ITGA1: variants seen among roughly 807,000 people sequenced by gnomAD.
ITGA1 encodes the protein integrin alpha-1.
In ITGA1, 85 loss-of-function variants were observed where a neutral mutation model predicts 145.9. The ratio of observed to expected loss-of-function variants is 0.58; its 90% CI spans 0.49 to 0.70. ITGA1 has a LOEUF of 0.70. Ranked by LOEUF, ITGA1 falls within the 30% of genes least tolerant of loss-of-function variation. ITGA1 has a pLI of 0.00. For missense variants in ITGA1, 1,351 were observed against 1,418.7 expected (o/e 0.95, Z 0.77); for synonymous variants, 520 against 495.3 (o/e 1.05, Z -0.66).
In ITGA1 at chr5:52,920,382, T is replaced by C. The variant is rs1190529422; in HGVS notation, c.2206T>C (p.Phe736Leu). 6.2e-7 allele frequency: 1 copy of C among 1,612,218 alleles called. No homozygotes were observed. The highest frequency in any genetic ancestry group is 8.5e-7 in the Non-Finnish European group (1 of 1,179,206). ...TTCACTAAGACAAATATCACGAAGT[T>C]TTTTCTCTGGAACTCAAGAGAGAAA... ...LDSLRQISRS[F>L]FSGTQERKVQ... The change falls in exon 17 of 29, where the codon TTT becomes CTT. Residue 736 changes from phenylalanine to leucine, a missense_variant. Physicochemically the swap from Phe to Leu is conservative, Grantham distance 22 (BLOSUM62 0). Coordinates refer to ENST00000282588, the MANE Select transcript of ITGA1 (RefSeq NM_181501.2).
intron 14 of ITGA1, 148 bp downstream of exon 14, chr5:52,910,567 A>T: frequency 1.3e-6 from 1 of 755,810 alleles, no homozygotes; most frequent in South Asian, 2.0e-5. Context: ...TGTTTTTTAT[A>T]GATTAGTTAC....
In ITGA1 at chr5:52,877,715, A is replaced by C. The variant is rs1749889532; in HGVS notation, c.625-4158A>C. 2.0e-5 allele frequency among the ~76,000 whole-genome samples: 3 copies of C among 152,192 alleles called. 1 individual carries two copies. The South Asian group carries it at 6.2e-4, about 32-fold the overall frequency. The stretch of plus-strand genomic sequence containing the variant: ...GGAGCAGTCACGGAGCCGTAAGGCC[A>C]CCAGAGCTGTAACGCTGCAGCTTCA... On this transcript the variant is annotated intron_variant, in intron 6 of 28. Transcript: ENST00000282588.
At position 52,850,515 on chromosome 5, in the gene ITGA1, T is replaced by A. The variant is rs982102281; in HGVS notation, c.182+1030T>A. Among the ~76,000 whole-genome samples the A allele has an allele frequency of 2.0e-5, 3 of 152,076 alleles. No homozygotes were observed. The East Asian group carries it at 5.8e-4, about 29-fold the overall frequency. On this transcript the variant is annotated intron_variant, in intron 2 of 28. Coordinates refer to ENST00000282588, the MANE Select transcript of ITGA1 (RefSeq NM_181501.2). ...AGCTGTAATAATAAGCAAAAAGAGA[T>A]TTATATCTACTTGGATAATAAAGAT...
Position 52,788,349 on chromosome 5 carries a change from C to G in ITGA1, c.-5C>G. 6.6e-7 allele frequency: 1 copy of G among 1,505,280 alleles called. No individual in the cohort carries two copies. Among genetic ancestry groups the G allele is most frequent in the Non-Finnish European group, 8.8e-7 (1 of 1,131,978 alleles). The allele number at this position is 1,505,280 out of a possible 1,614,324, so 93.2% of individuals were successfully genotyped here. On this transcript the variant is annotated 5_prime_UTR_variant, in exon 1 of 29. Transcript: ENST00000282588. ...CGGCCCCCTGGCGCTGAGGCTGCTC[C>G]GGCCATGGCCCCTCGGCCCCGCGCC...
chr5:52,896,665 A>G (rs1750232308), intron 9 of ITGA1, among the ~76,000 whole-genome samples: 1 of 152,196 alleles, frequency 6.6e-6, no homozygotes, highest in African/African-American at 2.4e-5. Flanking sequence ...AGTGCAAGCA[A>G]ATAAATCAAC....
At chr5:52,941,308 G>C (rs1159499569) in intron 26 of ITGA1, among the ~76,000 whole-genome samples, 1 of 152,168 alleles carries the variant, frequency 6.6e-6, no homozygotes, top group Non-Finnish European at 1.5e-5. Flanking sequence ...GGATTGCTGG[G>C]TTGAATGGTA....
intron 1 of ITGA1, among the ~76,000 whole-genome samples, chr5:52,833,125 G>A (rs1336928676): frequency 6.6e-6 from 1 of 151,808 alleles, no homozygotes; most frequent in African/African-American, 2.4e-5. Context: ...CCAGGATGTG[G>A]AGGCTGCAGT....
intron 1 of ITGA1, chr5:52,803,420 GTTA>G (rs1390414956): frequency 2.0e-5 from 3 of 152,026 alleles, no homozygotes; most frequent in African/African-American, 7.2e-5. Flanking sequence ...AAACCTGATT[GTTA>G]TTATATTTTC....
intron 1 of ITGA1, among the ~76,000 whole-genome samples, chr5:52,823,513 T>C (rs993164938): frequency 1.3e-5 from 2 of 152,148 alleles, no homozygotes; most frequent in African/African-American, 4.8e-5. Flanking sequence ...TCCAAATCAT[T>C]TTAAATGGTG....
intron 14 of ITGA1, among the ~76,000 whole-genome samples, chr5:52,913,467 C>G (rs904766464): frequency 6.6e-6 from 1 of 152,084 alleles, no homozygotes; most frequent in African/African-American, 2.4e-5. Context: ...TCTGTTATTC[C>G]TGTTTGTAAT....
At chr5:52,851,438 C>T (rs1177194886) in intron 2 of ITGA1, among the ~76,000 whole-genome samples, 1 of 152,086 alleles carries the variant, frequency 6.6e-6, no homozygotes, top group Non-Finnish European at 1.5e-5. Context: ...TTTCAAGGCA[C>T]CAGAAGTCAA....
At chr5:52,797,697 G>C (rs1276597800) in intron 1 of ITGA1, among the ~76,000 whole-genome samples, 1 of 152,186 alleles carries the variant, frequency 6.6e-6, no homozygotes, top group East Asian at 1.9e-4. Flanking sequence ...AGTAGAAAGA[G>C]AGGGTATGGA....
chr5:52,881,202 C>A (rs1038696975), intron 6 of ITGA1, among the ~76,000 whole-genome samples: 4 of 152,214 alleles, frequency 2.6e-5, no homozygotes, highest in African/African-American at 9.6e-5. Flanking sequence ...TGTAACCCTG[C>A]AGGCTACATA....
chr5:52,789,344 T>C (rs1004968312), intron 1 of ITGA1, among the ~76,000 whole-genome samples: 1 of 152,114 alleles, frequency 6.6e-6, no homozygotes, highest in Non-Finnish European at 1.5e-5. Flanking sequence ...TAACATATCA[T>C]TGATATTCAA....
intron 12 of ITGA1, among the ~76,000 whole-genome samples, chr5:52,907,141 C>T (rs759256533): frequency 7.2e-5 from 11 of 152,172 alleles, no homozygotes; most frequent in Non-Finnish European, 1.3e-4. Flanking sequence ...GTTGAAATCC[C>T]AGCCACAGCA....
At chr5:52,877,918 C>T (rs1202852647) in intron 6 of ITGA1, among the ~76,000 whole-genome samples, 3 of 152,020 alleles carry the variant, frequency 2.0e-5, no homozygotes, top group Non-Finnish European at 4.4e-5. Context: ...CCTGAGAGGA[C>T]GATTCACATG....
At chr5:52,804,356 A>G (rs1301731445) in intron 1 of ITGA1, among the ~76,000 whole-genome samples, 1 of 152,164 alleles carries the variant, frequency 6.6e-6, no homozygotes, top group Non-Finnish European at 1.5e-5. Context: ...ACATTATTTC[A>G]TTTTGCTATA....
intron 6 of ITGA1, among the ~76,000 whole-genome samples, chr5:52,869,479 G>T (rs1040677672): frequency 7.2e-5 from 11 of 152,248 alleles, no homozygotes; most frequent in African/African-American, 2.4e-4. Context: ...TTCTTAAACA[G>T]ATTAAAGTTT....
chr5:52,868,318 T>C (rs1281151397), intron 6 of ITGA1, among the ~76,000 whole-genome samples: 1 of 152,214 alleles, frequency 6.6e-6, no homozygotes, highest in Non-Finnish European at 1.5e-5. Flanking sequence ...TCCACAACTT[T>C]AGAAAGAAAA....
Sources: gnomAD v4.1 joint callset for allele counts (sites outside exome capture counted in the v4.1 genomes callset) on GRCh38, gnomAD v4.1.1 for gene constraint, MANE v1.5 for transcripts, NCBI Gene and HGNC (gene_info 2026-07-23, HGNC 2026-07-21) for gene names.